HBS1L: variants seen among roughly 807,000 people sequenced by gnomAD.
The protein encoded by HBS1L is HBS1-like protein.
In HBS1L, 55 loss-of-function variants were observed where a neutral mutation model predicts 88.9. The observed-to-expected ratio is 0.62, with a 90% CI of 0.50 to 0.77. HBS1L has a LOEUF of 0.77. Among genes scored for constraint, HBS1L ranks in the 30% least tolerant of loss-of-function variants. HBS1L has a pLI of 0.00. For synonymous variants in HBS1L, 267 were observed against 288.5 expected (o/e 0.93, Z 0.76); for missense variants, 741 against 829.3 (o/e 0.89, Z 1.31).
rs1218311944 is a variant in HBS1L, at chr6:134,961,488, T to TGA, written c.*3789_*3790dup. The TGA allele has an allele frequency of 6.6e-6, 1 of 152,152 alleles. No homozygotes were observed. The highest frequency in any genetic ancestry group is 1.5e-5 in the Non-Finnish European group (1 of 68,028). 9.4% of individuals were successfully genotyped at this position (152,152 alleles called of 1,614,324 possible). ...TGAGGTCACTGTAATCCGGATAAAA[T>TGA]GAGATACTGTAATCATGCCTGAGCA... On this transcript the variant is annotated 3_prime_UTR_variant, in exon 18 of 18. Coordinates refer to ENST00000367837, the MANE Select transcript of HBS1L (RefSeq NM_006620.4).
At chr6:135,004,466 A>T (rs947485132) in intron 4 of HBS1L, among the ~76,000 whole-genome samples, 1 of 152,036 alleles carries the variant, frequency 6.6e-6, no homozygotes, top group Non-Finnish European at 1.5e-5. Flanking sequence ...AGAAGCTTGT[A>T]TAATGGTCCT....
chr6:134,979,707 C>A (rs993530165), intron 13 of HBS1L, among the ~76,000 whole-genome samples: 2 of 151,928 alleles, frequency 1.3e-5, no homozygotes, highest in African/African-American at 2.4e-5. Context: ...TTTAATTAGA[C>A]AACCACCTAA....
At position 134,997,505 on chromosome 6, in the gene HBS1L, T is replaced by C. The variant is rs767233540; in HGVS notation, c.691A>G (p.Thr231Ala). 1.9e-6 allele frequency: 3 copies of C among 1,614,062 alleles called. No homozygotes were observed. Among genetic ancestry groups the C allele is most frequent in the South Asian group, 2.2e-5 (2 of 91,078 alleles). Residue 231 changes from threonine to alanine, a missense_variant, in exon 6 of 18, where the codon ACC becomes GCC. Around this residue, in one of 3 missense-constraint regions of HBS1L, gnomAD observed 556 missense variants for 598.4 expected, o/e 0.93. Transcript: ENST00000367837. ...CCAGACTTTTTCACCGGTGCTGGGG[T>C]TGAACTCTGCTCTTCTGATGCTTGA... ...TIQASEEQSS[T>A]PAPVKKSGKL... is the part of the protein sequence containing the mutation.
At chr6:135,043,991 A>G (rs762822329) in intron 2 of HBS1L, among the ~76,000 whole-genome samples, 1 of 152,152 alleles carries the variant, frequency 6.6e-6, no homozygotes, top group African/African-American at 2.4e-5. Flanking sequence ...ATGCTGCAAG[A>G]TAATTGTATT....
intron 7 of HBS1L, 45 bp from the exon 8 acceptor site, chr6:134,993,920 G>T: frequency 1.2e-6 from 1 of 839,560 alleles, no homozygotes. Flanking sequence ...TATAAATAGT[G>T]CTATAGAGTA....
At position 135,002,974 on chromosome 6, in the gene HBS1L, T is replaced by TA. The variant is rs201787284; in HGVS notation, c.431-133dup. On this transcript the variant is annotated intron_variant, in intron 4 of 17. Transcript: ENST00000367837. ...AATGTCTTTATAAACACATTATCTC[T>TA]AAAAAAATTTAGTAAGATATTAATG... The TA allele has an allele frequency of 3.2e-3, 1,723 of 546,562 alleles. 16 individuals are homozygous for TA. The highest frequency in any genetic ancestry group is 0.029 in the African/African-American group (1,519 of 52,378). 33.9% of individuals were successfully genotyped at this position (546,562 alleles called of 1,614,324 possible).
chr6:134,988,221 G>A (rs981073652), intron 8 of HBS1L, among the ~76,000 whole-genome samples: 4 of 151,744 alleles, frequency 2.6e-5, no homozygotes, highest in South Asian at 2.1e-4. Flanking sequence ...AAAATTAGCC[G>A]GGTGTGGTGG....
intron 2 of HBS1L, among the ~76,000 whole-genome samples, chr6:135,049,106 G>C (rs1777001756): frequency 6.6e-6 from 1 of 152,194 alleles, no homozygotes; most frequent in African/African-American, 2.4e-5. Context: ...GTCCATTCAG[G>C]CTGCTATAAC....
At chr6:135,037,140 T>A (rs367652615) in intron 4 of HBS1L, 8 of 1,551,562 alleles carry the variant, frequency 5.2e-6, no homozygotes, top group Non-Finnish European at 7.0e-6. Context: ...CTTTATGAAA[T>A]GCCAATGACG....
At position 134,979,177 on chromosome 6, in the gene HBS1L, C is replaced by G; in HGVS notation, c.1688+1G>C. On this transcript the variant is annotated splice_donor_variant, in intron 14 of 17. Coordinates refer to ENST00000367837, the MANE Select transcript of HBS1L (RefSeq NM_006620.4). LOFTEE classifies it high-confidence loss of function. ...TTGCTTAAACTCATTTTCTCACTCA[C>G]TTGATTTTGATGATATCCATCCCAA... The G allele has an allele frequency of 1.2e-6, 2 of 1,607,260 alleles. No homozygotes were observed. Among genetic ancestry groups the G allele is most frequent in the Non-Finnish European group, 1.7e-6 (2 of 1,174,314 alleles).
At chr6:135,053,175 C>G (rs1282291933) in intron 1 of HBS1L, among the ~76,000 whole-genome samples, 1 of 152,182 alleles carries the variant, frequency 6.6e-6, no homozygotes, top group Admixed American at 6.5e-5. Flanking sequence ...ATGAAGCATT[C>G]CTTAACGTAG....
intron 6 of HBS1L, 73 bp from the exon 7 acceptor site, chr6:134,997,015 GT>G: frequency 9.2e-7 from 1 of 1,085,234 alleles, no homozygotes; most frequent in Non-Finnish European, 1.3e-6. Context: ...GCATAAATGT[GT>G]AATTCAATAT....
At chr6:135,051,766 A>C (rs1434878261) in intron 1 of HBS1L, among the ~76,000 whole-genome samples, 1 of 152,282 alleles carries the variant, frequency 6.6e-6, no homozygotes, top group Non-Finnish European at 1.5e-5. Context: ...TTAATGAATC[A>C]AACTAATTAC....
At chr6:135,036,535 G>A (rs1776554095) in intron 4 of HBS1L, 1 of 1,440,930 alleles carries the variant, frequency 6.9e-7, no homozygotes, top group Admixed American at 3.1e-5. Flanking sequence ...CTCTACAACA[G>A]CAATCAAGTT....
chr6:134,986,439 A>C (rs889694804), intron 10 of HBS1L, among the ~76,000 whole-genome samples: 4 of 152,090 alleles, frequency 2.6e-5, no homozygotes, highest in Non-Finnish European at 1.5e-5. Context: ...TGCTGGACAA[A>C]TTCTTCCCTA....
intron 4 of HBS1L, among the ~76,000 whole-genome samples, chr6:135,009,702 C>T (rs1043070677): frequency 2.6e-5 from 4 of 151,910 alleles, no homozygotes; most frequent in Non-Finnish European, 4.4e-5. Context: ...GGCGTGATCT[C>T]GGCTCACTGC....
At chr6:135,022,295 A>T (rs1776094001) in intron 4 of HBS1L, among the ~76,000 whole-genome samples, 1 of 151,294 alleles carries the variant, frequency 6.6e-6, no homozygotes, top group Non-Finnish European at 1.5e-5. Flanking sequence ...ATACAAATAT[A>T]CATGTGATTA....
intron 8 of HBS1L, among the ~76,000 whole-genome samples, chr6:134,992,654 G>A (rs757182317): frequency 1.3e-4 from 20 of 151,862 alleles, no homozygotes; most frequent in East Asian, 5.8e-4. Context: ...AGACTATACA[G>A]AAAGAAAATA....
chr6:134,979,852 A>C (rs986296829), intron 13 of HBS1L, among the ~76,000 whole-genome samples: 1 of 152,038 alleles, frequency 6.6e-6, no homozygotes, highest in Non-Finnish European at 1.5e-5. Context: ...CTGCATACTA[A>C]TGACTAGTTA....
Sources: allele counts gnomAD v4.1 joint callset (sites outside exome capture counted in the v4.1 genomes callset), GRCh38; gene constraint gnomAD v4.1.1; regional missense constraint gnomAD v4.1.1; transcripts MANE v1.5; gene names NCBI Gene and HGNC (gene_info 2026-07-23, HGNC 2026-07-21).